ELP4: variants seen among roughly 807,000 people sequenced by gnomAD.
The protein encoded by ELP4 is elongator acetyltransferase complex subunit 4, also known as elongator complex protein 4.
A neutral mutation model predicts 48.9 loss-of-function variants in ELP4; 51 were observed. The ratio of observed to expected loss-of-function variants is 1.04; its 90% confidence interval spans 0.83 to 1.32. ELP4 has a LOEUF of 1.32. Among genes scored for constraint, ELP4 ranks in the 40% most tolerant of loss-of-function variants. The pLI is 0.00. For missense variants in ELP4, 519 were observed against 514.6 expected (o/e 1.01, Z -0.08); for synonymous variants, 210 against 189.2 (o/e 1.11, Z -0.90).
At chr11:31,545,816 TG>T (rs1347406803) in intron 3 of ELP4, among the ~76,000 whole-genome samples, 2 of 151,316 alleles carry the variant, frequency 1.3e-5, no homozygotes, top group Non-Finnish European at 2.9e-5. Flanking sequence ...CAGAAGAGAG[TG>T]GGGGCCAATA....
chr11:31,580,768 C>T (rs1957376926), intron 3 of ELP4: 1 of 152,294 alleles, frequency 6.6e-6, no homozygotes, highest in Non-Finnish European at 1.5e-5. Flanking sequence ...AGAGATCTTC[C>T]CACCTCAGCC....
intron 9 of ELP4, among the ~76,000 whole-genome samples, chr11:31,738,774 C>T (rs1449651420): frequency 6.6e-6 from 1 of 152,050 alleles, no homozygotes; most frequent in Non-Finnish European, 1.5e-5. Context: ...TATTCTGCAG[C>T]ATGGATGAAT....
At chr11:31,702,321 CAATAACAAT>C (rs1946542319) in intron 9 of ELP4, among the ~76,000 whole-genome samples, 1 of 7,890 alleles carries the variant, frequency 1.3e-4, no homozygotes. Context: ...ATAATAATAA[CAATAACAAT>C]AATAATAATA....
chr11:31,789,453 C>A lies in ELP4; in HGVS notation c.*5929C>A. On this transcript the variant is annotated 3_prime_UTR_variant, in exon 10 of 10. Transcript: ENST00000640961. ...ATGTTGTTCCAGGTTTAATTATATG[C>A]AAAGGAATGATACAAACTTGGAACA... 2.2e-6 allele frequency: 1 copy of A among 454,458 alleles called. No individual in the cohort carries two copies. The highest frequency in any genetic ancestry group is 3.8e-6 in the Non-Finnish European group (1 of 259,856). 28.2% of individuals were successfully genotyped at this position (454,458 alleles called of 1,614,324 possible). A position where few individuals can be genotyped will look rare whatever the true frequency, so the allele number is the denominator to read the frequency against.
intron 5 of ELP4, among the ~76,000 whole-genome samples, chr11:31,616,495 A>G (rs1052598732): frequency 1.3e-5 from 2 of 152,102 alleles, no homozygotes; most frequent in African/African-American, 4.8e-5. Flanking sequence ...TAGGGGAAAC[A>G]TTTCATAATC....
chr11:31,634,011 A>C (rs1175392767), intron 7 of ELP4: 1 of 152,088 alleles, frequency 6.6e-6, no homozygotes, highest in Non-Finnish European at 1.5e-5. Flanking sequence ...AAAACCCTGC[A>C]AGATAGCTGT....
chr11:31,520,169 C>A, intron 2 of ELP4, 78 bp downstream of exon 2: 1 of 1,238,726 alleles, frequency 8.1e-7, no homozygotes, highest in Non-Finnish European at 1.1e-6. Context: ...AATTCCCATT[C>A]CAAAATTATT....
chr11:31,594,844 A>G lies in ELP4; in HGVS notation c.456A>G (p.Pro152=), dbSNP rs1235451029. The change falls in exon 4 of 10, where the codon CCA becomes CCG. Residue 152 remains proline, a synonymous_variant. Transcript: ENST00000640961. ...FDEDVYNHKT[P]ESNIKMKIAW... ...AAGATGTATACAATCATAAAACACC[A>G]GAATCTAATATTAAGATGAAAATAG... 3.2e-6 allele frequency: 5 copies of G among 1,568,862 alleles called. No individual in the cohort carries two copies. In the Admixed American group the frequency reaches 9.9e-5, roughly 31 times the overall value.
chr11:31,633,524 GGCT>G (rs1486472010), intron 7 of ELP4: 1 of 151,898 alleles, frequency 6.6e-6, no homozygotes, highest in Non-Finnish European at 1.5e-5. Flanking sequence ...TTCCTTGAAG[GGCT>G]TTTTATACAT....
rs547484284 is a variant in ELP4, at chr11:31,738,875, C to T, written c.1144-44518C>T. 5.9e-5 allele frequency among the ~76,000 whole-genome samples: 9 copies of T among 152,178 alleles called. 2 individuals carry two copies. In the South Asian group the frequency reaches 1.7e-3, roughly 28 times the overall value. Reference sequence around the variant, plus strand: ...TATATGAGCATTTAAAACAGTCAAACAGTCAAAAGCAGAAAATAAAATAGT... The same window carrying T: ...TATATGAGCATTTAAAACAGTCAAATAGTCAAAAGCAGAAAATAAAATAGT... On this transcript the variant is annotated intron_variant, in intron 9 of 9. Coordinates refer to ENST00000640961, the MANE Select transcript of ELP4 (RefSeq NM_019040.5).
intron 9 of ELP4, among the ~76,000 whole-genome samples, chr11:31,726,684 A>G (rs1947082558): frequency 6.6e-6 from 1 of 152,182 alleles, no homozygotes; most frequent in African/African-American, 2.4e-5. Context: ...TCCTAATGGA[A>G]AAGAAAACAC....
chr11:31,584,854 G>T (rs1166770635), intron 3 of ELP4, among the ~76,000 whole-genome samples: 1 of 152,114 alleles, frequency 6.6e-6, no homozygotes, highest in Non-Finnish European at 1.5e-5. Flanking sequence ...GAGGTAGAAT[G>T]ATGACCACCA....
chr11:31,552,027 A>G (rs866009860), intron 3 of ELP4, among the ~76,000 whole-genome samples: 4 of 152,148 alleles, frequency 2.6e-5, no homozygotes, highest in Non-Finnish European at 4.4e-5. Flanking sequence ...TATTTTATCT[A>G]GAAGACTGTA....
intron 9 of ELP4, among the ~76,000 whole-genome samples, chr11:31,747,125 A>C (rs983093815): frequency 3.9e-5 from 6 of 152,236 alleles, no homozygotes; most frequent in Admixed American, 3.9e-4. Flanking sequence ...GAAAGATAAA[A>C]ATGGTATAAC....
chr11:31,641,369 T>G (rs1182582628), intron 7 of ELP4, among the ~76,000 whole-genome samples: 1 of 151,892 alleles, frequency 6.6e-6, no homozygotes, highest in Non-Finnish European at 1.5e-5. Flanking sequence ...AGTGTATATA[T>G]CAACAAACAT....
At chr11:31,695,517 C>T (rs1160887144) in intron 9 of ELP4, among the ~76,000 whole-genome samples, 2 of 151,396 alleles carry the variant, frequency 1.3e-5, no homozygotes, top group African/African-American at 4.9e-5. Flanking sequence ...ACAACTTGAT[C>T]GTGGTGTATA....
intron 9 of ELP4, among the ~76,000 whole-genome samples, chr11:31,746,543 G>A (rs1282202990): frequency 6.6e-6 from 1 of 152,168 alleles, no homozygotes. Context: ...ATACATCATG[G>A]AATGCTATGC....
At chr11:31,593,942 T>C (rs935916238) in intron 3 of ELP4, among the ~76,000 whole-genome samples, 3 of 152,222 alleles carry the variant, frequency 2.0e-5, no homozygotes, top group Non-Finnish European at 4.4e-5. Flanking sequence ...TAAGTAAATT[T>C]GATCTTGAAA....
intron 3 of ELP4, among the ~76,000 whole-genome samples, chr11:31,586,694 T>G (rs1335299714): frequency 6.6e-6 from 1 of 151,854 alleles, no homozygotes; most frequent in Non-Finnish European, 1.5e-5. Context: ...CAGGCTGGAG[T>G]GCAGTGGCGC....
Sources: allele counts gnomAD v4.1 joint callset (sites outside exome capture counted in the v4.1 genomes callset), GRCh38; gene constraint gnomAD v4.1.1; transcripts MANE v1.5; gene names NCBI Gene and HGNC (gene_info 2026-07-23, HGNC 2026-07-21).